MEIS2: variants seen among roughly 807,000 people sequenced by gnomAD.
MEIS2 encodes Meis homeobox 2.
MEIS2 carries 9 observed loss-of-function variants against 58.6 expected under a neutral mutation model. The ratio of observed to expected loss-of-function variants is 0.15; its 90% CI spans 0.09 to 0.27. The LOEUF is 0.27. MEIS2 is among the 10% of genes least tolerant of loss of function. The probability of loss-of-function intolerance (pLI) is 1.00; values close to 1 mark genes in which losing one functional copy is unlikely to be tolerated. For missense variants in MEIS2, 427 were observed against 635.0 expected (o/e 0.67, Z 3.52); for synonymous variants, 221 against 228.4 (o/e 0.97, Z 0.29).
intron 2 of MEIS2, among the ~76,000 whole-genome samples, chr15:37,096,922 G>A (rs1007568931): frequency 1.3e-5 from 2 of 152,098 alleles, no homozygotes; most frequent in Admixed American, 6.6e-5. Flanking sequence ...CATACACACC[G>A]GAGTGACACT....
At chr15:37,022,841 G>T (rs976825311) in intron 8 of MEIS2, among the ~76,000 whole-genome samples, 1 of 151,878 alleles carries the variant, frequency 6.6e-6, no homozygotes, top group African/African-American at 2.4e-5. Context: ...ATTTTTAGTA[G>T]AGACGGGGTT....
At chr15:36,989,713 T>C (rs1010991498) in intron 8 of MEIS2, among the ~76,000 whole-genome samples, 1 of 152,250 alleles carries the variant, frequency 6.6e-6, no homozygotes, top group Non-Finnish European at 1.5e-5. Context: ...GGCTAACTCA[T>C]GTTTACAGAA....
intron 9 of MEIS2, among the ~76,000 whole-genome samples, chr15:36,920,162 T>A (rs866532166): frequency 5.4e-5 from 8 of 147,768 alleles, no homozygotes; most frequent in Admixed American, 6.7e-5. Context: ...TTATTTATTT[T>A]TATTTTGACA....
intron 9 of MEIS2, among the ~76,000 whole-genome samples, chr15:36,943,449 G>T (rs2058446648): frequency 6.6e-6 from 1 of 152,040 alleles, no homozygotes; most frequent in African/African-American, 2.4e-5. Context: ...ATCAAAAAGG[G>T]TCTACGTTTT....
intron 7 of MEIS2, among the ~76,000 whole-genome samples, chr15:37,052,910 T>G (rs1020987668): frequency 2.6e-5 from 4 of 152,192 alleles, no homozygotes; most frequent in Admixed American, 6.5e-5. Context: ...CATCTTTTTC[T>G]CCTAGAAAGG....
chr15:36,946,546 G>A (rs2058573508), intron 9 of MEIS2, among the ~76,000 whole-genome samples: 1 of 151,798 alleles, frequency 6.6e-6, no homozygotes, highest in African/African-American at 2.4e-5. Flanking sequence ...ATTTACCCCT[G>A]GAAGAAATCT....
chr15:36,952,137 A>G (rs566636652), intron 8 of MEIS2, among the ~76,000 whole-genome samples: 1 of 152,174 alleles, frequency 6.6e-6, no homozygotes, highest in East Asian at 1.9e-4. Flanking sequence ...GAGATAATGA[A>G]TGACTGCACA....
chr15:37,017,096 A>T (rs1352291019), intron 8 of MEIS2, among the ~76,000 whole-genome samples: 1 of 152,210 alleles, frequency 6.6e-6, no homozygotes, highest in Non-Finnish European at 1.5e-5. Context: ...AAAAAAGTAC[A>T]TTCCCCTCCA....
At chr15:36,968,941 A>C (rs1006135765) in intron 8 of MEIS2, among the ~76,000 whole-genome samples, 2 of 152,242 alleles carry the variant, frequency 1.3e-5, no homozygotes, top group Admixed American at 1.3e-4. Flanking sequence ...TGATTGCTGC[A>C]GATCAAAACC....
intron 8 of MEIS2, among the ~76,000 whole-genome samples, chr15:37,008,183 A>C (rs138283337): frequency 6.6e-6 from 1 of 152,374 alleles, no homozygotes; most frequent in Non-Finnish European, 1.5e-5. Flanking sequence ...CCTACAGATT[A>C]TCTAGCTGGC....
chr15:37,031,583 T>C (rs2061926633), intron 8 of MEIS2, among the ~76,000 whole-genome samples: 1 of 152,116 alleles, frequency 6.6e-6, no homozygotes, highest in South Asian at 2.1e-4. Flanking sequence ...CTCTGTAGGA[T>C]GATATCCTTT....
At chr15:37,001,520 T>C (rs748817232) in intron 8 of MEIS2, among the ~76,000 whole-genome samples, 3 of 152,136 alleles carry the variant, frequency 2.0e-5, no homozygotes, top group Admixed American at 6.6e-5. Flanking sequence ...TATGTTGGAT[T>C]GCTTCCCCCT....
intron 7 of MEIS2, among the ~76,000 whole-genome samples, chr15:37,069,731 C>A (rs987102045): frequency 6.6e-6 from 1 of 152,056 alleles, no homozygotes; most frequent in Non-Finnish European, 1.5e-5. Flanking sequence ...AGAGAGTCAG[C>A]GAAAAATTTA....
At chr15:36,994,855 G>A (rs557328598) in intron 8 of MEIS2, among the ~76,000 whole-genome samples, 6 of 152,230 alleles carry the variant, frequency 3.9e-5, no homozygotes, top group Admixed American at 1.3e-4. Flanking sequence ...CATCATGGAC[G>A]TTGAACACTG....
At chr15:36,916,880 A>T (rs1401976166) in intron 9 of MEIS2, among the ~76,000 whole-genome samples, 2 of 152,234 alleles carry the variant, frequency 1.3e-5, no homozygotes, top group African/African-American at 4.8e-5. Flanking sequence ...TATGGAGTGG[A>T]TAACATTATC....
chr15:36,956,887 TAA>T lies in MEIS2; in HGVS notation c.901-6489_901-6488del, dbSNP rs61478606. 5.5e-3 allele frequency among the ~76,000 whole-genome samples: 621 copies of T among 111,966 alleles called. 2 individuals carry two copies. Among genetic ancestry groups the T allele is most frequent in the East Asian group, 0.017 (66 of 3,968 alleles). 73.5% of individuals were successfully genotyped at this position (111,966 alleles called of 152,430 possible). A position where few individuals can be genotyped will look rare whatever the true frequency, so the allele number is the denominator to read the frequency against. ...TTCCCCTCCAGCTAGAAATGATTGT[TAA>T]AAAAAAAAAAAAAAAAAAAGGAGAA... On this transcript the variant is annotated intron_variant, in intron 8 of 11. Coordinates refer to ENST00000561208, the MANE Select transcript of MEIS2 (RefSeq NM_170675.5).
At position 37,098,232 on chromosome 15, in the gene MEIS2, G is replaced by C. The variant is rs1227780042; in HGVS notation, c.13-33C>G. The C allele has an allele frequency of 5.8e-6, 9 of 1,546,568 alleles. No individual in the cohort carries two copies. In the South Asian group the frequency reaches 6.1e-5, roughly 11 times the overall value. On this transcript the variant is annotated intron_variant, in intron 1 of 11. Transcript: ENST00000561208. ...AACCCGGGAAGGGGGAGGGGGCGCA[G>C]GAGGTGAGGGAGAACAGAGGAGGGG...
rs1252756487 is a variant in MEIS2, at chr15:37,069,004, T to G, written c.754+14767A>C. Among the ~76,000 whole-genome samples, 3 of 152,344 alleles carry G rather than the reference T, an allele frequency of 2.0e-5. No homozygotes were observed. In the East Asian group the frequency reaches 5.8e-4, roughly 29 times the overall value. ...TAAAAGTACCAATTTTTCCTCTAAT[T>G]TTTAAAAAGTCTGACACATTATTTT... On this transcript the variant is annotated intron_variant, in intron 7 of 11. Coordinates refer to ENST00000561208, the MANE Select transcript of MEIS2 (RefSeq NM_170675.5).
Position 37,097,954 on chromosome 15 carries a change from G to A in MEIS2, c.245+13C>T, listed in dbSNP as rs374993238. 48 of 1,575,640 alleles carry A rather than the reference G, an allele frequency of 3.0e-5. No homozygotes were observed. In the African/African-American group the frequency reaches 6.1e-4, roughly 20 times the overall value. On this transcript the variant is annotated intron_variant, in intron 2 of 11. Transcript: ENST00000561208. The stretch of plus-strand genomic sequence containing the variant: ...CTCACACACAGTAAGCTGGGTCCGG[G>A]GGGTCAGTTTACCCATAGATCGCGT...
Sources: gnomAD v4.1 joint callset for allele counts (sites outside exome capture counted in the v4.1 genomes callset) on GRCh38, gnomAD v4.1.1 for gene constraint, MANE v1.5 for transcripts, NCBI Gene and HGNC (gene_info 2026-07-23, HGNC 2026-07-21) for gene names.